The following PLXNA2 variants were observed in gnomAD, a reference collection of about 807,000 sequenced individuals.
The protein encoded by PLXNA2 is plexin-A2.
Under a neutral mutation model 193.5 loss-of-function variants are expected in PLXNA2, and 91 were observed. That is an observed-to-expected ratio of 0.47 (90% confidence interval 0.40 to 0.56). The LOEUF (loss-of-function observed/expected upper bound fraction) is 0.56. PLXNA2 is among the 20% of genes least tolerant of loss of function. The pLI is 0.00. For synonymous variants in PLXNA2, 997 were observed against 1,027.3 expected, an observed-to-expected ratio of 0.97 and a Z score of 0.56; for missense variants, 1,995 against 2,503.2, an observed-to-expected ratio of 0.80 and a Z score of 4.33.
chr1:208,078,277 C>A (rs1666223988), intron 12 of PLXNA2, among the ~76,000 whole-genome samples: 1 of 152,096 alleles, frequency 6.6e-6, no homozygotes, highest in South Asian at 2.1e-4. Flanking sequence ...TTAGCAGCAC[C>A]CATTCTATCT....
chr1:208,178,132 C>T (rs996715254), intron 3 of PLXNA2, among the ~76,000 whole-genome samples: 2 of 151,464 alleles, frequency 1.3e-5, no homozygotes, highest in Non-Finnish European at 1.5e-5. Context: ...TTTATCCTAC[C>T]GAGAGGAGAA....
chr1:208,090,632 G>T (rs1013129746), intron 9 of PLXNA2, among the ~76,000 whole-genome samples: 7 of 152,160 alleles, frequency 4.6e-5, no homozygotes, highest in Admixed American at 2.6e-4. Context: ...TCAGCTGCAG[G>T]TCGCTTTCAG....
intron 3 of PLXNA2, among the ~76,000 whole-genome samples, chr1:208,191,935 T>C (rs1357421671): frequency 1.3e-5 from 2 of 152,096 alleles, no homozygotes; most frequent in Admixed American, 1.3e-4. Flanking sequence ...TGAAGACGTG[T>C]CAGGGTCAGG....
intron 3 of PLXNA2, among the ~76,000 whole-genome samples, chr1:208,192,822 G>A (rs1446600970): frequency 1.3e-5 from 2 of 151,910 alleles, no homozygotes; most frequent in African/African-American, 4.8e-5. Flanking sequence ...AGGAGGTGGA[G>A]GGTGCAGTGA....
chr1:208,146,934 GC>G (rs1668620306), intron 3 of PLXNA2, among the ~76,000 whole-genome samples: 2 of 152,214 alleles, frequency 1.3e-5, no homozygotes, highest in South Asian at 4.1e-4. Context: ...GGGCTATTTT[GC>G]TTGGACAAGG....
intron 3 of PLXNA2, among the ~76,000 whole-genome samples, chr1:208,198,026 C>T (rs1402829948): frequency 6.6e-6 from 1 of 152,168 alleles, no homozygotes; most frequent in Non-Finnish European, 1.5e-5. Context: ...AAAAGACACG[C>T]CACATCGGAG....
At chr1:208,231,902 T>C (rs990105894) in intron 1 of PLXNA2, among the ~76,000 whole-genome samples, 1 of 152,218 alleles carries the variant, frequency 6.6e-6, no homozygotes, top group Non-Finnish European at 1.5e-5. Context: ...AGAGATCACT[T>C]ACTCAAGAGG....
intron 1 of PLXNA2, among the ~76,000 whole-genome samples, chr1:208,231,687 C>A (rs1671697601): frequency 6.6e-6 from 1 of 152,216 alleles, no homozygotes. Flanking sequence ...TAACGTACCC[C>A]TTACTCAAGC....
In PLXNA2 at chr1:208,142,414, G is replaced by C. The variant is rs765696446; in HGVS notation, c.1421C>G (p.Ser474Cys). ...PHGGVQYEMV[S>C]VLKDGSPILR... The stretch of plus-strand genomic sequence containing the variant: ...GATGGGGCTTCCGTCCTTGAGCACA[G>C]AGACCATCTCGTACTGGACCCCACC... The change falls in exon 4 of 32, where the codon TCT becomes TGT. Residue 474 changes from serine to cysteine, a missense_variant. Around this residue, in one of 3 missense-constraint regions of PLXNA2, gnomAD observed 702 missense variants for 812.9 expected, o/e 0.86. Coordinates refer to ENST00000367033, the MANE Select transcript of PLXNA2 (RefSeq NM_025179.4). The C allele has an allele frequency of 6.2e-7, 1 of 1,613,926 alleles. No individual in the cohort carries two copies. Among genetic ancestry groups the C allele is most frequent in the South Asian group, 1.1e-5 (1 of 91,058 alleles).
intron 28 of PLXNA2, chr1:208,032,105 A>T (rs1056998577): frequency 1.0e-6 from 1 of 985,316 alleles, no homozygotes; most frequent in Non-Finnish European, 1.2e-6. Context: ...GCCAGTCCGG[A>T]AACAGTGTCC....
chr1:208,200,088 C>T (rs1451440164), intron 3 of PLXNA2, among the ~76,000 whole-genome samples: 2 of 152,222 alleles, frequency 1.3e-5, no homozygotes, highest in Non-Finnish European at 2.9e-5. Context: ...ATTTCTCCTT[C>T]CAGATTAGCT....
chr1:208,101,474 G>A (rs79611365), intron 5 of PLXNA2, among the ~76,000 whole-genome samples: 2,235 of 152,236 alleles, frequency 0.015, 80 homozygotes, highest in East Asian at 0.1. Context: ...CTCTTGGGGC[G>A]GAGAAGCTGG....
intron 9 of PLXNA2, among the ~76,000 whole-genome samples, chr1:208,086,053 T>C (rs935155607): frequency 2.2e-4 from 34 of 152,220 alleles, no homozygotes; most frequent in African/African-American, 7.5e-4. Flanking sequence ...TGCAAGGCCG[T>C]CCCTGCCCCT....
At chr1:208,220,728 C>G (rs898504396) in intron 1 of PLXNA2, among the ~76,000 whole-genome samples, 62 of 152,112 alleles carry the variant, frequency 4.1e-4, no homozygotes, top group African/African-American at 1.5e-3. Context: ...AGGCGTGAGC[C>G]ACTGCACCTG....
intron 13 of PLXNA2, among the ~76,000 whole-genome samples, chr1:208,059,686 C>G (rs1036312639): frequency 4.6e-5 from 7 of 152,226 alleles, no homozygotes; most frequent in Non-Finnish European, 7.3e-5. Flanking sequence ...TTTCACTTCT[C>G]ATGAGTCCTT....
At chr1:208,197,247 G>A (rs1325613830) in intron 3 of PLXNA2, among the ~76,000 whole-genome samples, 2 of 152,190 alleles carry the variant, frequency 1.3e-5, no homozygotes, top group Non-Finnish European at 2.9e-5. Context: ...TGCATCCCTT[G>A]TGCCAACTGG....
intron 4 of PLXNA2, among the ~76,000 whole-genome samples, chr1:208,140,976 G>A (rs12061272): frequency 0.011 from 1,665 of 152,252 alleles, 25 homozygotes; most frequent in African/African-American, 0.036. Context: ...CGGAATGATA[G>A]GTCAGTGTTT....
At chr1:208,192,320 G>GTC (rs1670208420) in intron 3 of PLXNA2, among the ~76,000 whole-genome samples, 1 of 152,006 alleles carries the variant, frequency 6.6e-6, no homozygotes, top group African/African-American at 2.4e-5. Context: ...GTGTGTGTGT[G>GTC]TGTGTGTGTG....
intron 5 of PLXNA2, among the ~76,000 whole-genome samples, 171 bp from the exon 6 acceptor site, chr1:208,099,140 C>T (rs936557922): frequency 1.3e-5 from 2 of 152,182 alleles, no homozygotes; most frequent in Non-Finnish European, 2.9e-5. Context: ...CAGTCTCCGT[C>T]GCAGTTAAGG....
Sources: allele counts gnomAD v4.1 joint callset (sites outside exome capture counted in the v4.1 genomes callset), GRCh38; gene constraint gnomAD v4.1.1; regional missense constraint gnomAD v4.1.1; transcripts MANE v1.5; gene names NCBI Gene and HGNC (gene_info 2026-07-23, HGNC 2026-07-21).